Variants in CIITA observed in about 807,000 individuals in gnomAD.
CIITA encodes MHC class II transactivator.
In CIITA, 72 loss-of-function variants were observed where a neutral mutation model predicts 115.1. The observed-to-expected ratio is 0.63, with a 90% CI of 0.52 to 0.76. The LOEUF is 0.76. Among genes scored for constraint, CIITA ranks in the 30% least tolerant of loss-of-function variants. The probability of loss-of-function intolerance (pLI) is 0.00; values close to 1 mark genes in which losing one functional copy is unlikely to be tolerated. For missense variants in CIITA, 1,617 were observed against 1,463.8 expected (o/e 1.10, Z -1.71); for synonymous variants, 763 against 635.6 (o/e 1.20, Z -3.02).
chr16:10,907,772 G>T lies in CIITA; in HGVS notation c.2280G>T (p.Gly760=), dbSNP rs534878029. The T allele has an allele frequency of 1.5e-5, 24 of 1,614,224 alleles. 1 individual carries two copies. The African/African-American group carries it at 3.1e-4, about 21-fold the overall frequency. The change falls in exon 11 of 20, where the codon GGG becomes GGT. Residue 760 remains glycine (G), a synonymous_variant. Coordinates refer to ENST00000324288, the MANE Select transcript of CIITA (RefSeq NM_000246.4). This position sits in a 1 kb window ranked among gnomAD's most constrained non-coding sequence, Gnocchi z 5.0. The stretch of plus-strand genomic sequence containing the variant: ...AGGGCGTGCCACGCTTTCTGGCTGG[G>T]CTGATCTTCCAGCCTCCCGCCCGCT... ...WLEGVPRFLA[G]LIFQPPARCL...
At chr16:10,911,172 G>A (rs576599696) in intron 13 of CIITA, among the ~76,000 whole-genome samples, 2 of 151,858 alleles carry the variant, frequency 1.3e-5, no homozygotes, top group East Asian at 3.9e-4. Flanking sequence ...ATTATATTTA[G>A]ATCTGTCAGA....
chr16:10,881,293 C>A lies in CIITA; in HGVS notation c.52+3911C>A, dbSNP rs1338118513. Among the ~76,000 whole-genome samples the A allele has an allele frequency of 3.3e-5, 5 of 149,532 alleles. No individual in the cohort carries two copies. The South Asian group carries it at 1.0e-3, about 31-fold the overall frequency. ...AGCCTGGGCAACAGAGCAAGACTGT[C>A]TCAGGAAAAAAAAAAGAGAGAGAAA... On this transcript the variant is annotated intron_variant, in intron 1 of 19. Coordinates refer to ENST00000324288, the MANE Select transcript of CIITA (RefSeq NM_000246.4).
rs1489689438 is a variant in CIITA at position 10,941,976 on chromosome 16, C to G, written n.1102C>G. 2 of 1,521,834 alleles carry G rather than the reference C, an allele frequency of 1.3e-6. No individual in the cohort carries two copies. Among genetic ancestry groups the G allele is most frequent in the Non-Finnish European group, 8.8e-7 (1 of 1,134,940 alleles). 94.3% of individuals were successfully genotyped at this position (1,521,834 alleles called of 1,614,324 possible). A position where few individuals can be genotyped will look rare whatever the true frequency, so the allele number is the denominator to read the frequency against. ...AGGGGACCAGGGGGCCCAGTGCGTC[C>G]AGGTGGGCCGCGACCCGGGCGCCGA... On this transcript the variant is annotated non_coding_transcript_exon_variant, in exon 2 of 2. Coordinates refer to the CIITA transcript ENST00000573379. The surrounding 1 kb of genome is among the most constrained non-coding windows in gnomAD (Gnocchi z 6.4).
chr16:10,909,693 C>T (rs552614980), intron 12 of CIITA, among the ~76,000 whole-genome samples: 42 of 152,296 alleles, frequency 2.8e-4, no homozygotes, highest in African/African-American at 9.4e-4. Context: ...TAATCTGAGG[C>T]TCATTTCCAT....
Position 10,901,400 on chromosome 16 carries a change from C to A in CIITA, c.437-114C>A. ...GAGCGAGGGGAGGAAAATGGACCCC[C>A]AAGACCACTACCCAGCCTTGAAGTT... On this transcript the variant is annotated intron_variant, in intron 5 of 19. Transcript: ENST00000324288. This position sits in a 1 kb window ranked among gnomAD's most constrained non-coding sequence, Gnocchi z 6.8. 2 of 1,161,208 alleles carry A rather than the reference C, an allele frequency of 1.7e-6. No homozygotes were observed. Among genetic ancestry groups the A allele is most frequent in the Non-Finnish European group, 2.5e-6 (2 of 785,166 alleles). 71.9% of individuals were successfully genotyped at this position (1,161,208 alleles called of 1,614,324 possible).
At position 10,920,523 on chromosome 16, in the gene CIITA, G is replaced by C. The variant is rs571496120; in HGVS notation, c.3150-1644G>C. ...CAGCCTTCCAAAGTGCTGGGATTACGGGTGTGAGCCACCATGCCCAGCCTG... is the reference window on the plus strand; with the variant it reads ...CAGCCTTCCAAAGTGCTGGGATTACCGGTGTGAGCCACCATGCCCAGCCTG... On this transcript the variant is annotated intron_variant, in intron 16 of 19. Coordinates refer to ENST00000324288, the MANE Select transcript of CIITA (RefSeq NM_000246.4). This position sits in a 1 kb window ranked among gnomAD's most constrained non-coding sequence, Gnocchi z 4.5. Among the ~76,000 whole-genome samples the C allele has an allele frequency of 6.6e-6, 1 of 152,134 alleles. No individual in the cohort carries two copies. Among genetic ancestry groups the C allele is most frequent in the Non-Finnish European group, 1.5e-5 (1 of 68,034 alleles).
intron 3 of CIITA, 83 bp downstream of exon 3, chr16:10,895,847 T>A (rs1249174275): frequency 1.5e-6 from 2 of 1,323,536 alleles, no homozygotes; most frequent in South Asian, 1.2e-5. Flanking sequence ...CCATTCATCA[T>A]GAGCCACGTC....
At chr16:10,874,185 T>C (rs1003304815), upstream of CIITA, among the ~76,000 whole-genome samples, 10 of 152,088 alleles carry the variant, frequency 6.6e-5, no homozygotes, top group African/African-American at 2.2e-4. Context: ...GGTTTCACCA[T>C]GTTGGCCAGG....
chr16:10,870,387 C>T (rs2035402552), intron 1 of CIITA, among the ~76,000 whole-genome samples: 1 of 152,138 alleles, frequency 6.6e-6, no homozygotes. Flanking sequence ...TCGCTCTGTG[C>T]TACACTGAGC....
intron 2 of CIITA, 36 bp downstream of exon 2, chr16:10,895,464 C>G (rs1241107121): frequency 1.2e-6 from 2 of 1,610,796 alleles, no homozygotes; most frequent in African/African-American, 1.3e-5. Flanking sequence ...TCCGGTATCC[C>G]CCACCCCTCA....
chr16:10,906,377 A>AACAAG, intron 10 of CIITA, 122 bp from the exon 11 acceptor site: 1 of 1,238,610 alleles, frequency 8.1e-7, no homozygotes, highest in East Asian at 2.5e-5. Context: ...AACAAAACAA[A>AACAAG]CAAACAAAAA....
intron 3 of CIITA, among the ~76,000 whole-genome samples, chr16:10,896,970 G>C (rs931911978): frequency 6.6e-6 from 1 of 152,176 alleles, no homozygotes; most frequent in Non-Finnish European, 1.5e-5. Context: ...TTGGGGCTGA[G>C]GACATTCACA....
At chr16:10,938,977 C>A (rs1480476252), downstream of CIITA, 1 of 152,228 alleles carries the variant, frequency 6.6e-6, no homozygotes, top group Non-Finnish European at 1.5e-5. The surrounding 1 kb of genome is among the most constrained non-coding windows in gnomAD (Gnocchi z 4.9). Flanking sequence ...CCAAGTTACA[C>A]TGCTTCAAAG....
chr16:10,905,529 G>C (rs568960635), intron 10 of CIITA, among the ~76,000 whole-genome samples: 1 of 152,320 alleles, frequency 6.6e-6, no homozygotes, highest in South Asian at 2.1e-4. Context: ...GGGAGGCCAA[G>C]GCAGGTGGAT....
chr16:10,892,774 A>G (rs1340126051), intron 1 of CIITA, among the ~76,000 whole-genome samples: 1 of 152,168 alleles, frequency 6.6e-6, no homozygotes, highest in African/African-American at 2.4e-5. Flanking sequence ...TTCTACTAAA[A>G]ATACAAAAAT....
In CIITA at chr16:10,932,053, T is replaced by A. The variant is rs931468619; in HGVS notation, c.*8198T>A. Reference sequence around the variant, plus strand: ...ATCCAAGCTGGTCCCACTCAGTCCATAGCAGAGAATGAAAGGGCCCAGAGA... The same window carrying A: ...ATCCAAGCTGGTCCCACTCAGTCCAAAGCAGAGAATGAAAGGGCCCAGAGA... On this transcript the variant is annotated 3_prime_UTR_variant, in exon 20 of 20. Transcript: ENST00000324288. 1 of 152,204 alleles carries A rather than the reference T, an allele frequency of 6.6e-6. No homozygotes were observed. Among genetic ancestry groups the A allele is most frequent in the Non-Finnish European group, 1.5e-5 (1 of 68,044 alleles). The allele number at this position is 152,204 out of a possible 1,614,324, so 9.4% of individuals were successfully genotyped here.
rs2038939192 is a variant in CIITA at position 10,903,677 on chromosome 16, A to G, written c.773-54A>G. The stretch of plus-strand genomic sequence containing the variant: ...TTTGGAGTAGGGGTGACCCAAGTGC[A>G]TTTCTGGAATCAATACCTGGTTATT... On this transcript the variant is annotated intron_variant, in intron 8 of 19. Coordinates refer to ENST00000324288, the MANE Select transcript of CIITA (RefSeq NM_000246.4). 32 of 1,604,538 alleles carry G rather than the reference A, an allele frequency of 2.0e-5. No individual in the cohort carries two copies. In the East Asian group the frequency reaches 7.1e-4, roughly 36 times the overall value.
At chr16:10,921,190 G>C (rs72770060) in intron 16 of CIITA, among the ~76,000 whole-genome samples, 10 of 152,340 alleles carry the variant, frequency 6.6e-5, no homozygotes, top group Non-Finnish European at 1.3e-4. Flanking sequence ...CCCTGCAAGG[G>C]AGTTCTGAGG....
chr16:10,887,866 T>A (rs1596467172), intron 1 of CIITA, among the ~76,000 whole-genome samples: 1 of 152,148 alleles, frequency 6.6e-6, no homozygotes, highest in East Asian at 1.9e-4. Context: ...AGAGCCTTCT[T>A]CTCCCTTTCA....
Sources: gnomAD v4.1 joint callset for allele counts (sites outside exome capture counted in the v4.1 genomes callset) on GRCh38, gnomAD v4.1.1 for gene constraint, Gnocchi (gnomAD v3.1) non-coding constraint, MANE v1.5 for transcripts, NCBI Gene and HGNC (gene_info 2026-07-23, HGNC 2026-07-21) for gene names.